Variants in ARHGAP6 observed in about 807,000 individuals in gnomAD.
The protein encoded by ARHGAP6 is Rho GTPase activating protein 6.
In ARHGAP6, 16 loss-of-function variants were observed where a neutral mutation model predicts 55.7. The ratio of observed to expected loss-of-function variants is 0.29; its 90% CI spans 0.19 to 0.44. ARHGAP6 has a LOEUF of 0.44. Among genes scored for constraint, ARHGAP6 ranks in the 20% least tolerant of loss-of-function variants. The pLI, the probability that ARHGAP6 is intolerant of heterozygous loss-of-function variation, is 1.00. For synonymous variants in ARHGAP6, 382 were observed against 360.9 expected (o/e 1.06, Z -0.66); for missense variants, 698 against 808.9 (o/e 0.86, Z 1.66).
chrX:11,509,645 G>T (rs1337218945), intron 1 of ARHGAP6, among the ~76,000 whole-genome samples: 1 of 111,984 alleles, frequency 8.9e-6, no homozygotes, highest in East Asian at 2.8e-4. Flanking sequence ...TTTAAAAAGT[G>T]GTTTTTGTTT....
intron 8 of ARHGAP6, among the ~76,000 whole-genome samples, chrX:11,177,643 A>G (rs1025903920): frequency 8.9e-6 from 1 of 111,889 alleles, no homozygotes; most frequent in Non-Finnish European, 1.9e-5. Context: ...CTTCTTGCTC[A>G]TAGTGCAGAT....
At chrX:11,284,170 T>C (rs949476575) in intron 1 of ARHGAP6, among the ~76,000 whole-genome samples, 1 of 111,646 alleles carries the variant, frequency 9.0e-6, no homozygotes, top group African/African-American at 3.3e-5. Context: ...AGTTCTCCGA[T>C]TTAAGCATTA....
intron 1 of ARHGAP6, among the ~76,000 whole-genome samples, chrX:11,465,069 A>G (rs2050280417): frequency 8.9e-6 from 1 of 112,052 alleles, no homozygotes; most frequent in Non-Finnish European, 1.9e-5. Flanking sequence ...TGATCCTTAT[A>G]ACTGCCCATG....
intron 1 of ARHGAP6, among the ~76,000 whole-genome samples, chrX:11,419,350 C>T (rs2049792006): frequency 8.9e-6 from 1 of 112,091 alleles, no homozygotes; most frequent in African/African-American, 3.2e-5. Flanking sequence ...ACACAAAGCC[C>T]TTGACTGTGA....
chrX:11,589,368 T>G (rs966289335), intron 1 of ARHGAP6, among the ~76,000 whole-genome samples: 2 of 108,652 alleles, frequency 1.8e-5, no homozygotes, highest in African/African-American at 6.7e-5. Flanking sequence ...TGGCTTGTTC[T>G]AGTACACTTT....
intron 1 of ARHGAP6, among the ~76,000 whole-genome samples, chrX:11,459,530 A>G (rs1374750694): frequency 8.9e-6 from 1 of 111,862 alleles, no homozygotes; most frequent in Non-Finnish European, 1.9e-5. Flanking sequence ...AAGGGGCATC[A>G]GATATATTTT....
At chrX:11,223,349 A>C (rs1178175730) in intron 2 of ARHGAP6, 2 of 138,722 alleles carry the variant, frequency 1.4e-5, no homozygotes, top group Non-Finnish European at 3.1e-5. Context: ...TTCAAAAACT[A>C]TCTTGTACAT....
chrX:11,277,582 G>T (rs749810407), intron 1 of ARHGAP6, among the ~76,000 whole-genome samples: 1 of 111,023 alleles, frequency 9.0e-6, no homozygotes, highest in East Asian at 2.8e-4. Context: ...ACTTCATATA[G>T]ATCAGCCATC....
chrX:11,339,352 G>A (rs1469025843), intron 1 of ARHGAP6, among the ~76,000 whole-genome samples: 3 of 110,697 alleles, frequency 2.7e-5, no homozygotes, highest in East Asian at 2.8e-4. Context: ...AATGCGCAGG[G>A]AAGCCTTTCC....
chrX:11,350,858 T>G lies in ARHGAP6; in HGVS notation c.589-96151A>C, dbSNP rs769953209. Reference sequence around the variant, plus strand: ...AAAATCTTTTTAAAGAAATTATGTATTCAAAGAGCTCCCGGGGGAAAAAAA... The same window carrying G: ...AAAATCTTTTTAAAGAAATTATGTAGTCAAAGAGCTCCCGGGGGAAAAAAA... On this transcript the variant is annotated intron_variant, in intron 1 of 12. Coordinates refer to ENST00000337414, the MANE Select transcript of ARHGAP6 (RefSeq NM_013427.3). Among the ~76,000 whole-genome samples the G allele has an allele frequency of 1.2e-4, 13 of 109,693 alleles. No individual in the cohort carries two copies. In the South Asian group the frequency reaches 5.0e-3, roughly 43 times the overall value.
intron 1 of ARHGAP6, among the ~76,000 whole-genome samples, chrX:11,553,851 T>C (rs966685508): frequency 8.9e-6 from 1 of 111,792 alleles, no homozygotes; most frequent in African/African-American, 3.3e-5. Flanking sequence ...TCAAACTCCT[T>C]TGGGTAAGGG....
intron 1 of ARHGAP6, among the ~76,000 whole-genome samples, chrX:11,587,685 T>C (rs776018221): frequency 1.8e-5 from 2 of 112,378 alleles, no homozygotes; most frequent in African/African-American, 6.5e-5. Flanking sequence ...CTGCTCCCAT[T>C]GGGTCATCCC....
At chrX:11,201,989 CTGTGTGTGTGTGTGTG>C (rs56023548) in intron 2 of ARHGAP6, among the ~76,000 whole-genome samples, 11,167 of 65,445 alleles carry the variant, frequency 0.17, 717 homozygotes, top group Middle Eastern at 0.29. Context: ...GCATCTGGAT[CTGTGTGTGTGTGTGTG>C]TGTGTGTGTG....
intron 1 of ARHGAP6, among the ~76,000 whole-genome samples, chrX:11,591,603 C>T (rs1038192182): frequency 1.8e-5 from 2 of 111,128 alleles, no homozygotes; most frequent in African/African-American, 6.5e-5. Context: ...TACAAAAGAT[C>T]ACATATTTTA....
At chrX:11,517,336 C>A (rs1411546243) in intron 1 of ARHGAP6, among the ~76,000 whole-genome samples, 1 of 111,647 alleles carries the variant, frequency 9.0e-6, no homozygotes, top group Non-Finnish European at 1.9e-5. Flanking sequence ...CAGGGGGCAG[C>A]GTATTACGTA....
intron 1 of ARHGAP6, among the ~76,000 whole-genome samples, chrX:11,440,580 G>A (rs1316699542): frequency 3.6e-5 from 4 of 111,457 alleles, no homozygotes; most frequent in East Asian, 5.6e-4. Context: ...GACATTCCCC[G>A]ATTCACCTCA....
intron 2 of ARHGAP6, among the ~76,000 whole-genome samples, chrX:11,228,881 A>T (rs2047091233): frequency 8.9e-6 from 1 of 112,155 alleles, no homozygotes; most frequent in Non-Finnish European, 1.9e-5. Context: ...CGTATAAATT[A>T]GTGTATCTCC....
chrX:11,188,895 C>A lies in ARHGAP6; in HGVS notation c.910G>T (p.Glu304Ter), dbSNP rs781737696. The A allele has an allele frequency of 8.3e-7, 1 of 1,209,368 alleles. No individual in the cohort carries two copies. The highest frequency in any genetic ancestry group is 1.1e-6 in the Non-Finnish European group (1 of 895,185). The change falls in exon 4 of 13, where the codon GAG (glutamate) becomes TAG (stop). Residue 304 changes from glutamate to a stop codon, truncating the protein, a stop_gained. Coordinates refer to ENST00000337414, the MANE Select transcript of ARHGAP6 (RefSeq NM_013427.3). LOFTEE classifies it high-confidence loss of function. The part of the protein sequence containing the change: ...YKLKQDLQRD[E>*]QKDASDFVAS... ...ACAAAGTCAGATGCATCTTTCTGCT[C>A]GTCCCTCTGCAAGTCCTGCTTGAGT...
intron 1 of ARHGAP6, among the ~76,000 whole-genome samples, chrX:11,516,678 GGAGTT>G (rs1305137200): frequency 8.9e-6 from 1 of 112,005 alleles, no homozygotes; most frequent in Non-Finnish European, 1.9e-5. Flanking sequence ...TGAGGACTTG[GGAGTT>G]TAATGTTTCA....
Sources: allele counts gnomAD v4.1 joint callset (sites outside exome capture counted in the v4.1 genomes callset), GRCh38; gene constraint gnomAD v4.1.1; transcripts MANE v1.5; gene names NCBI Gene and HGNC (gene_info 2026-07-23, HGNC 2026-07-21).